Variants in OSTF1 observed in about 807,000 individuals in gnomAD.
The protein encoded by OSTF1 is osteoclast stimulating factor 1.
In OSTF1, 27 loss-of-function variants were observed where a neutral mutation model predicts 37.2. The observed-to-expected ratio is 0.73, with a 90% confidence interval of 0.54 to 1.00. The LOEUF (loss-of-function observed/expected upper bound fraction) is 1.00. Among genes scored for constraint, OSTF1 ranks in the 50% least tolerant of loss-of-function variants. OSTF1 has a pLI of 0.00. For synonymous variants in OSTF1, 82 were observed against 89.2 expected (o/e 0.92, Z 0.46); for missense variants, 232 against 253.8 (o/e 0.91, Z 0.58).
chr9:75,103,565 A>G (rs1391287373), intron 1 of OSTF1, among the ~76,000 whole-genome samples: 1 of 152,214 alleles, frequency 6.6e-6, no homozygotes, highest in Non-Finnish European at 1.5e-5. Flanking sequence ...TTTACATAAC[A>G]ACTAAAGATA....
At chr9:75,114,230 C>G (rs751521666) in intron 1 of OSTF1, among the ~76,000 whole-genome samples, 1 of 152,022 alleles carries the variant, frequency 6.6e-6, no homozygotes, top group Non-Finnish European at 1.5e-5. Context: ...GGTTGATCTC[C>G]TATGTTGGCT....
rs140491260 is a variant in OSTF1, at chr9:75,146,011, A to G, written c.587-672A>G. On this transcript the variant is annotated intron_variant, in intron 9 of 9. Coordinates refer to ENST00000346234, the MANE Select transcript of OSTF1 (RefSeq NM_012383.5). ...GACATATATTTATTGAACTTCAACA[A>G]TGTGCTTGTGTTTGCATTCTGTTTT... 3.2e-3 allele frequency among the ~76,000 whole-genome samples: 486 copies of G among 152,326 alleles called. 7 individuals carry two copies. The South Asian group carries it at 0.048, about 15-fold the overall frequency.
intron 7 of OSTF1, among the ~76,000 whole-genome samples, chr9:75,135,199 A>G (rs1338662567): frequency 1.3e-5 from 2 of 152,212 alleles, no homozygotes; most frequent in Non-Finnish European, 2.9e-5. Flanking sequence ...GGGATTGATT[A>G]TATGGCTGAT....
Position 75,140,899 on chromosome 9 carries a change from T to C in OSTF1, c.553T>C (p.Cys185Arg), listed in dbSNP as rs1378934751. 2.5e-6 allele frequency: 4 copies of C among 1,613,318 alleles called. No individual in the cohort carries two copies. In the African/African-American group the frequency reaches 4.0e-5, roughly 16 times the overall value. The change falls in exon 9 of 10, where the codon TGT becomes CGT. Residue 185 changes from cysteine to arginine, a missense_variant. Physicochemically the swap from Cys to Arg is radical, Grantham distance 180. Coordinates refer to ENST00000346234, the MANE Select transcript of OSTF1 (RefSeq NM_012383.5). ...CTTCGACATGGCTACCAATGCTGCC[T>C]GTGCATCTCTCCTGAAAAAGAAACA... ...LAFDMATNAACASLLKKKQGT... is the reference protein window; with the variant it reads ...LAFDMATNAARASLLKKKQGT...
At chr9:75,119,826 T>C (rs926568351) in intron 2 of OSTF1, among the ~76,000 whole-genome samples, 1 of 152,126 alleles carries the variant, frequency 6.6e-6, no homozygotes, top group Non-Finnish European at 1.5e-5. Flanking sequence ...TAGCTGGGTG[T>C]GGTGGTGTGC....
At chr9:75,120,832 G>A (rs1347621760) in intron 2 of OSTF1, among the ~76,000 whole-genome samples, 1 of 152,144 alleles carries the variant, frequency 6.6e-6, no homozygotes, top group Non-Finnish European at 1.5e-5. Context: ...ATCCCATCTA[G>A]ATGTGACTCA....
At chr9:75,126,399 G>T (rs1311811760) in intron 2 of OSTF1, among the ~76,000 whole-genome samples, 1 of 152,104 alleles carries the variant, frequency 6.6e-6, no homozygotes, top group African/African-American at 2.4e-5. Flanking sequence ...CTTATCACAT[G>T]TGAAATTTGT....
At chr9:75,117,390 T>C in intron 1 of OSTF1, 114 bp from the exon 2 acceptor site, 1 of 701,372 alleles carries the variant, frequency 1.4e-6, no homozygotes, top group South Asian at 1.8e-5. Flanking sequence ...TCCTCTGTTC[T>C]ACTTGATCAC....
intron 1 of OSTF1, among the ~76,000 whole-genome samples, chr9:75,097,557 G>A (rs937615091): frequency 1.2e-4 from 19 of 152,134 alleles, no homozygotes; most frequent in African/African-American, 4.6e-4. Context: ...TCAGTGTCTT[G>A]ATGGCCATTC....
chr9:75,109,061 C>T (rs1825339615), intron 1 of OSTF1, among the ~76,000 whole-genome samples: 1 of 148,214 alleles, frequency 6.7e-6, no homozygotes, highest in South Asian at 2.1e-4. Flanking sequence ...CACTCTCTTG[C>T]CCAGGCTAGA....
rs200559588 is a variant in OSTF1, at chr9:75,146,766, A to G, written c.*25A>G. ...ATTCCTTTCTGGAGCTTTGAGATCT[A>G]AAACTTCTGTTGCTTTTGCCATTCC... On this transcript the variant is annotated 3_prime_UTR_variant, in exon 10 of 10. Transcript: ENST00000346234. 9.5e-5 allele frequency: 147 copies of G among 1,551,340 alleles called. No individual in the cohort carries two copies. The highest frequency in any genetic ancestry group is 2.9e-4 in the Admixed American group (16 of 55,662).
At chr9:75,114,004 C>A (rs929434274) in intron 1 of OSTF1, among the ~76,000 whole-genome samples, 2 of 152,200 alleles carry the variant, frequency 1.3e-5, no homozygotes, top group African/African-American at 4.8e-5. Context: ...ATGAGTTCAA[C>A]ATTTTTAGAT....
chr9:75,113,740 T>G (rs1177486307), intron 1 of OSTF1, among the ~76,000 whole-genome samples: 1 of 152,224 alleles, frequency 6.6e-6, no homozygotes, highest in Non-Finnish European at 1.5e-5. Flanking sequence ...ATAGCATACA[T>G]TGTGGAATGA....
chr9:75,102,782 G>T (rs1391450996), intron 1 of OSTF1, among the ~76,000 whole-genome samples: 1 of 152,108 alleles, frequency 6.6e-6, no homozygotes, highest in African/African-American at 2.4e-5. Flanking sequence ...GCATCACAAT[G>T]AATAACTACT....
chr9:75,090,727 C>T (rs1243999384), intron 1 of OSTF1, among the ~76,000 whole-genome samples: 3 of 151,480 alleles, frequency 2.0e-5, no homozygotes, highest in Non-Finnish European at 4.4e-5. Flanking sequence ...AATCCTAGCA[C>T]TTTATGAGGC....
At chr9:75,113,564 T>C (rs1164535720) in intron 1 of OSTF1, among the ~76,000 whole-genome samples, 1 of 151,864 alleles carries the variant, frequency 6.6e-6, no homozygotes, top group Non-Finnish European at 1.5e-5. Flanking sequence ...TCCTCCCACC[T>C]CAGCCTCCCC....
At chr9:75,135,287 T>C (rs375550631) in intron 7 of OSTF1, among the ~76,000 whole-genome samples, 90 of 152,342 alleles carry the variant, frequency 5.9e-4, no homozygotes, top group Middle Eastern at 3.4e-3. Flanking sequence ...CCAGGGTTGC[T>C]TTTGAGAGAT....
At chr9:75,115,539 C>T (rs562412639) in intron 1 of OSTF1, among the ~76,000 whole-genome samples, 3 of 152,232 alleles carry the variant, frequency 2.0e-5, no homozygotes, top group South Asian at 4.2e-4. Flanking sequence ...ATCCACTTGT[C>T]TTGGCCTCCC....
At chr9:75,110,466 A>G (rs1825366825) in intron 1 of OSTF1, among the ~76,000 whole-genome samples, 1 of 152,182 alleles carries the variant, frequency 6.6e-6, no homozygotes, top group Non-Finnish European at 1.5e-5. Context: ...TTGTCTGAAT[A>G]CACCACAGTT....
Sources: allele counts gnomAD v4.1 joint callset (sites outside exome capture counted in the v4.1 genomes callset), GRCh38; gene constraint gnomAD v4.1.1; transcripts MANE v1.5; gene names NCBI Gene and HGNC (gene_info 2026-07-23, HGNC 2026-07-21).